The following TLE4 variants were observed in gnomAD, a reference collection of about 807,000 sequenced individuals.
TLE4 encodes transducin-like enhancer protein 4.
Under a neutral mutation model 92.8 loss-of-function variants are expected in TLE4, and 8 were observed. The observed-to-expected ratio is 0.09, with a 90% CI of 0.05 to 0.16. The LOEUF is 0.16. Among genes scored for constraint, TLE4 ranks in the 10% least tolerant of loss-of-function variants. TLE4 has a pLI of 1.00. For synonymous variants in TLE4, 371 were observed against 374.1 expected, an observed-to-expected ratio of 0.99 and a Z score of 0.10; for missense variants, 675 against 997.6, an observed-to-expected ratio of 0.68 and a Z score of 4.36.
chr9:79,710,829 A>G (rs937899345), intron 14 of TLE4, among the ~76,000 whole-genome samples: 3 of 152,166 alleles, frequency 2.0e-5, no homozygotes, highest in African/African-American at 7.2e-5. Context: ...AAGTTCCATG[A>G]AAACAGAACA....
At chr9:79,679,449 C>T (rs11138325) in intron 8 of TLE4, among the ~76,000 whole-genome samples, 80,238 of 151,888 alleles carry the variant, frequency 0.53, 23,838 homozygotes, top group East Asian at 0.71. Flanking sequence ...TATCCTTCGC[C>T]CACTTGTTGA....
At chr9:79,702,872 C>T (rs2070359931) in intron 8 of TLE4, among the ~76,000 whole-genome samples, 1 of 152,104 alleles carries the variant, frequency 6.6e-6, no homozygotes, top group Non-Finnish European at 1.5e-5. Context: ...ATCTTCTTAA[C>T]AATGTGCTTT....
chr9:79,708,526 GT>G, intron 12 of TLE4, 66 bp from the exon 13 acceptor site: 1 of 1,427,370 alleles, frequency 7.0e-7, no homozygotes. Context: ...TTTGTGACAT[GT>G]TTACAAATGT....
intron 5 of TLE4, among the ~76,000 whole-genome samples, chr9:79,613,228 C>T (rs1319369023): frequency 2.0e-5 from 3 of 152,106 alleles, no homozygotes; most frequent in Admixed American, 6.6e-5. Flanking sequence ...GGGAAAAGAC[C>T]TGCAAGATGA....
intron 6 of TLE4, among the ~76,000 whole-genome samples, chr9:79,636,219 C>T (rs939652787): frequency 6.6e-6 from 1 of 152,106 alleles, no homozygotes; most frequent in Non-Finnish European, 1.5e-5. Context: ...TGAGACGCTA[C>T]TCGGGAGGCT....
rs577923277 is a variant in TLE4, at chr9:79,708,736, G to A, written c.1213G>A (p.Ala405Thr). The A allele has an allele frequency of 9.3e-6, 15 of 1,610,922 alleles. No homozygotes were observed. The East Asian group carries it at 2.0e-4, about 22-fold the overall frequency. Residue 405 changes from alanine (A) to threonine (T), a missense_variant, in exon 13 of 20, where the codon GCA (alanine) becomes ACA (threonine). Physicochemically the swap from Ala to Thr is moderately conservative, Grantham distance 58. This residue lies in a region of TLE4 where 119 missense variants were observed against 175.9 expected (regional missense o/e 0.68). Coordinates refer to ENST00000376552, the MANE Select transcript of TLE4 (RefSeq NM_007005.6). ...CCACAACATCTCCCCTCAGATGAGC[G>A]CAGCTGCTGCCGCCGCCGCTGCTGC... ...GLHNISPQMS[A>T]AAAAAAAAAA...
chr9:79,720,020 T>G, intron 15 of TLE4, 26 bp from the exon 16 acceptor site: 2 of 1,581,580 alleles, frequency 1.3e-6, no homozygotes, highest in Non-Finnish European at 1.7e-6. Flanking sequence ...TCATGAGTAA[T>G]CTCTTGATGG....
intron 4 of TLE4, among the ~76,000 whole-genome samples, chr9:79,597,200 T>G (rs561526741): frequency 6.6e-6 from 1 of 152,300 alleles, no homozygotes; most frequent in African/African-American, 2.4e-5. Context: ...TCACCATCAC[T>G]GACCATCAGA....
chr9:79,678,085 TAAAGA>T (rs2063623192), intron 8 of TLE4, among the ~76,000 whole-genome samples: 1 of 152,116 alleles, frequency 6.6e-6, no homozygotes, highest in African/African-American at 2.4e-5. Flanking sequence ...CTGTCTCAGT[TAAAGA>T]AATTAGTAGA....
chr9:79,689,388 A>G (rs1459918702), intron 8 of TLE4, among the ~76,000 whole-genome samples: 1 of 152,096 alleles, frequency 6.6e-6, no homozygotes. Context: ...CAAATAAGCA[A>G]TTATTGTAAT....
chr9:79,726,208 G>A lies in TLE4; in HGVS notation c.*1064G>A, dbSNP rs1022027180. 1 of 152,612 alleles carries A rather than the reference G, an allele frequency of 6.6e-6. No homozygotes were observed. The highest frequency in any genetic ancestry group is 2.4e-5 in the African/African-American group (1 of 41,440). 9.5% of individuals were successfully genotyped at this position (152,612 alleles called of 1,614,324 possible). A position where few individuals can be genotyped will look rare whatever the true frequency, so the allele number is the denominator to read the frequency against. On this transcript the variant is annotated 3_prime_UTR_variant, in exon 20 of 20. Coordinates refer to ENST00000376552, the MANE Select transcript of TLE4 (RefSeq NM_007005.6). ...ATGAGGACTTGCTTTCTTTACCTCC[G>A]GTTCTTTCCATGTCTTAGTTGGATG...
chr9:79,607,927 T>A (rs1024451196), intron 4 of TLE4, among the ~76,000 whole-genome samples: 2 of 152,070 alleles, frequency 1.3e-5, no homozygotes, highest in African/African-American at 2.4e-5. Flanking sequence ...TTTTTTCCAA[T>A]TCTGAGACTT....
chr9:79,723,434 A>G (rs575932214), intron 19 of TLE4, among the ~76,000 whole-genome samples: 1 of 152,348 alleles, frequency 6.6e-6, no homozygotes, highest in South Asian at 2.1e-4. Context: ...TTTTCCAAAG[A>G]AGAGTGTTAT....
chr9:79,615,222 G>T (rs1588086951), intron 5 of TLE4, among the ~76,000 whole-genome samples: 1 of 152,038 alleles, frequency 6.6e-6, no homozygotes, highest in African/African-American at 2.4e-5. Context: ...AGAGGAAGAT[G>T]AATTCTGTTT....
intron 5 of TLE4, among the ~76,000 whole-genome samples, chr9:79,618,367 C>T (rs895392924): frequency 2.0e-5 from 3 of 152,106 alleles, no homozygotes; most frequent in African/African-American, 7.2e-5. Context: ...CCTTACCATT[C>T]GAATGTTGGA....
intron 4 of TLE4, among the ~76,000 whole-genome samples, chr9:79,593,551 G>A (rs1181223108): frequency 6.6e-6 from 1 of 152,208 alleles, no homozygotes; most frequent in African/African-American, 2.4e-5. Flanking sequence ...TTAGATTGAG[G>A]CCTTTAAAAG....
intron 9 of TLE4, among the ~76,000 whole-genome samples, chr9:79,705,372 G>A (rs1310666234): frequency 1.3e-5 from 2 of 152,246 alleles, no homozygotes; most frequent in African/African-American, 4.8e-5. Context: ...TTTAGTGGCT[G>A]GGCAGGTCAC....
chr9:79,601,973 G>C (rs1428412640), intron 4 of TLE4, among the ~76,000 whole-genome samples: 1 of 152,148 alleles, frequency 6.6e-6, no homozygotes, highest in East Asian at 1.9e-4. Flanking sequence ...AAATGAAACA[G>C]CCTTATTGCT....
chr9:79,622,001 T>C (rs773408929), intron 5 of TLE4, among the ~76,000 whole-genome samples: 29 of 152,200 alleles, frequency 1.9e-4, no homozygotes, highest in Non-Finnish European at 3.7e-4. Flanking sequence ...TTTTCCCAGA[T>C]CCATCTTACT....
Sources: allele counts gnomAD v4.1 joint callset (sites outside exome capture counted in the v4.1 genomes callset), GRCh38; gene constraint gnomAD v4.1.1; regional missense constraint gnomAD v4.1.1; transcripts MANE v1.5; gene names NCBI Gene and HGNC (gene_info 2026-07-23, HGNC 2026-07-21).